The following ZNF407 variants were observed in gnomAD, a reference collection of about 807,000 sequenced individuals.
ZNF407 encodes the protein zinc finger protein 407.
Under a neutral mutation model 131.2 loss-of-function variants are expected in ZNF407, and 17 were observed. The observed-to-expected ratio is 0.13, with a 90% CI of 0.09 to 0.19. The LOEUF is 0.19. ZNF407 is among the 10% of genes least tolerant of loss of function. The pLI is 1.00. For synonymous variants in ZNF407, 1,156 were observed against 1,062.0 expected (o/e 1.09, Z -1.72); for missense variants, 2,681 against 2,830.6 (o/e 0.95, Z 1.20).
At chr18:74,795,496 G>A (rs1188678893) in intron 4 of ZNF407, among the ~76,000 whole-genome samples, 1 of 152,114 alleles carries the variant, frequency 6.6e-6, no homozygotes, top group African/African-American at 2.4e-5. Context: ...TATGAATTTT[G>A]TTGTTACAAT....
intron 7 of ZNF407, among the ~76,000 whole-genome samples, chr18:74,890,776 A>G (rs1232891304): frequency 6.6e-6 from 1 of 152,224 alleles, no homozygotes; most frequent in Non-Finnish European, 1.5e-5. Flanking sequence ...AGGGGAGTAC[A>G]TAAAGGATTA....
intron 4 of ZNF407, among the ~76,000 whole-genome samples, chr18:74,850,265 A>G (rs889930020): frequency 1.3e-5 from 2 of 152,174 alleles, no homozygotes; most frequent in Non-Finnish European, 2.9e-5. Context: ...TTTTTTAAAA[A>G]CTTGATTCCA....
chr18:74,599,423 A>G (rs951384008), intron 1 of ZNF407, among the ~76,000 whole-genome samples: 1 of 152,238 alleles, frequency 6.6e-6, no homozygotes, highest in Non-Finnish European at 1.5e-5. Flanking sequence ...CTTCAAAAAC[A>G]CTGGTTCTTG....
intron 7 of ZNF407, among the ~76,000 whole-genome samples, chr18:74,901,809 ATAT>A (rs1186982443): frequency 6.6e-6 from 1 of 152,152 alleles, no homozygotes; most frequent in Non-Finnish European, 1.5e-5. Flanking sequence ...ATGCACACAT[ATAT>A]TATTACCTTC....
At chr18:75,030,303 A>G (rs956225524) in intron 8 of ZNF407, among the ~76,000 whole-genome samples, 1 of 152,222 alleles carries the variant, frequency 6.6e-6, no homozygotes, top group Non-Finnish European at 1.5e-5. Flanking sequence ...AAGGTATTAT[A>G]CATTATTATT....
intron 8 of ZNF407, among the ~76,000 whole-genome samples, chr18:74,945,798 A>G (rs1249773825): frequency 6.6e-6 from 1 of 152,094 alleles, no homozygotes; most frequent in Non-Finnish European, 1.5e-5. Context: ...ACAATAACAT[A>G]GTAATTAGAA....
At chr18:74,876,740 CCTGCAGCGTAGTG>C (rs1226681714) in intron 4 of ZNF407, among the ~76,000 whole-genome samples, 1 of 152,206 alleles carries the variant, frequency 6.6e-6, no homozygotes, top group Non-Finnish European at 1.5e-5. Context: ...CCTTTTCTTC[CCTGCAGCGTAGTG>C]CTGCAAGGCC....
intron 8 of ZNF407, among the ~76,000 whole-genome samples, chr18:74,999,348 T>TAAAAA (rs71170334): frequency 1.1e-3 from 68 of 60,274 alleles, no homozygotes; most frequent in East Asian, 1.7e-3. Context: ...TAGAGTATAA[T>TAAAAA]AAAAAAAAAA....
chr18:74,771,015 A>G (rs149893751), intron 3 of ZNF407, among the ~76,000 whole-genome samples: 1 of 152,284 alleles, frequency 6.6e-6, no homozygotes, highest in African/African-American at 2.4e-5. Context: ...TAATAATTAT[A>G]AAGAATTTTC....
At chr18:74,959,514 G>A (rs566991816) in intron 8 of ZNF407, among the ~76,000 whole-genome samples, 15 of 152,168 alleles carry the variant, frequency 9.9e-5, no homozygotes, top group African/African-American at 3.6e-4. Context: ...TTTATTCTTT[G>A]TAGCATCCTT....
chr18:74,662,291 T>G (rs1985748811), intron 3 of ZNF407, among the ~76,000 whole-genome samples: 1 of 152,178 alleles, frequency 6.6e-6, no homozygotes, highest in Non-Finnish European at 1.5e-5. Context: ...TAGAGTGATA[T>G]GATCCATAAG....
intron 4 of ZNF407, among the ~76,000 whole-genome samples, chr18:74,791,367 A>G (rs1969822618): frequency 6.6e-6 from 1 of 152,234 alleles, no homozygotes; most frequent in Non-Finnish European, 1.5e-5. Flanking sequence ...TCTGCTTTTC[A>G]GGGAAATAAC....
At chr18:74,764,408 CAT>C (rs1969181406) in intron 3 of ZNF407, among the ~76,000 whole-genome samples, 1 of 152,044 alleles carries the variant, frequency 6.6e-6, no homozygotes. Flanking sequence ...TATTTCTAGA[CAT>C]GTGGTTTGGA....
At chr18:74,729,543 C>T (rs1363184457) in intron 3 of ZNF407, among the ~76,000 whole-genome samples, 2 of 151,672 alleles carry the variant, frequency 1.3e-5, no homozygotes, top group Non-Finnish European at 1.5e-5. Context: ...TTCCCTCATT[C>T]GTTTACTGTG....
intron 8 of ZNF407, among the ~76,000 whole-genome samples, chr18:75,028,735 C>T (rs925891499): frequency 3.3e-5 from 5 of 152,128 alleles, no homozygotes; most frequent in African/African-American, 9.7e-5. Context: ...TGCGAGAACC[C>T]AAGAGATTAC....
chr18:74,714,180 T>C (rs1392312326), intron 3 of ZNF407, among the ~76,000 whole-genome samples: 1 of 152,212 alleles, frequency 6.6e-6, no homozygotes, highest in Admixed American at 6.5e-5. Context: ...TAATGTAGAA[T>C]AGTCATAAGC....
At chr18:75,029,515 G>A (rs906349139) in intron 8 of ZNF407, among the ~76,000 whole-genome samples, 1 of 152,134 alleles carries the variant, frequency 6.6e-6, no homozygotes, top group East Asian at 1.9e-4. Flanking sequence ...CAGTTTCCAT[G>A]CCACCCTGGG....
At chr18:74,623,216 C>T (rs1007758889) in intron 1 of ZNF407, among the ~76,000 whole-genome samples, 1 of 150,210 alleles carries the variant, frequency 6.7e-6, no homozygotes, top group African/African-American at 2.5e-5. Context: ...GAATATGTGA[C>T]TGCGTGTGTG....
intron 8 of ZNF407, among the ~76,000 whole-genome samples, chr18:74,960,345 G>C: frequency 6.7e-6 from 1 of 148,394 alleles, no homozygotes; most frequent in Non-Finnish European, 1.5e-5. Context: ...TTGGTGGAGG[G>C]ATAGGAGAAG....
Sources: allele counts gnomAD v4.1 joint callset (sites outside exome capture counted in the v4.1 genomes callset), GRCh38; gene constraint gnomAD v4.1.1; transcripts MANE v1.5; gene names NCBI Gene and HGNC (gene_info 2026-07-23, HGNC 2026-07-21).